STPG2: variants seen among roughly 807,000 people sequenced by gnomAD.
The protein encoded by STPG2 is sperm tail PG-rich repeat containing 2.
Under a neutral mutation model 54.2 loss-of-function variants are expected in STPG2, and 56 were observed. That is an observed-to-expected ratio of 1.03 (90% CI 0.83 to 1.29). The LOEUF (loss-of-function observed/expected upper bound fraction) is 1.29. STPG2 is among the 50% of genes most tolerant of loss of function. The pLI, the probability that STPG2 is intolerant of heterozygous loss-of-function variation, is 0.00. For synonymous variants in STPG2, 200 were observed against 181.8 expected (o/e 1.10, Z -0.81); for missense variants, 596 against 544.9 (o/e 1.09, Z -0.93).
chr4:97,723,979 AAGTT>A (rs1171256463), intron 9 of STPG2, among the ~76,000 whole-genome samples: 14 of 152,322 alleles, frequency 9.2e-5, no homozygotes, highest in Admixed American at 9.2e-4. Context: ...CCATATCAGT[AAGTT>A]TGTCAGTTTT....
At chr4:97,832,118 C>A (rs1728487288) in intron 9 of STPG2, among the ~76,000 whole-genome samples, 1 of 152,102 alleles carries the variant, frequency 6.6e-6, no homozygotes, top group Admixed American at 6.5e-5. Flanking sequence ...CAAAAATCCT[C>A]AATAAAATAC....
chr4:98,086,692 C>T (rs995236672), intron 5 of STPG2, among the ~76,000 whole-genome samples: 2 of 99,052 alleles, frequency 2.0e-5, no homozygotes, highest in African/African-American at 7.9e-5. Flanking sequence ...AAAAAAGGTG[C>T]CCTGCACAAA....
intron 10 of STPG2, among the ~76,000 whole-genome samples, chr4:97,614,988 A>G (rs1733822181): frequency 1.3e-5 from 2 of 152,156 alleles, no homozygotes; most frequent in Non-Finnish European, 2.9e-5. Context: ...CTGCCACTAC[A>G]GTTTTCAACT....
chr4:97,948,082 T>C (rs750762333), intron 7 of STPG2, among the ~76,000 whole-genome samples: 2 of 152,056 alleles, frequency 1.3e-5, no homozygotes, highest in African/African-American at 2.4e-5. Flanking sequence ...TTAATATTGC[T>C]GCTTGTTATT....
At chr4:97,952,620 A>G (rs1292437940) in intron 7 of STPG2, among the ~76,000 whole-genome samples, 1 of 152,164 alleles carries the variant, frequency 6.6e-6, no homozygotes, top group Non-Finnish European at 1.5e-5. Flanking sequence ...CCACTGATGT[A>G]ACAGTTCCTC....
Position 97,598,267 on chromosome 4 carries a change from C to T in STPG2, c.1321-39150G>A, listed in dbSNP as rs542851178. Among the ~76,000 whole-genome samples, 29 of 152,066 alleles carry T rather than the reference C, an allele frequency of 1.9e-4. No individual in the cohort carries two copies. In the South Asian group the frequency reaches 5.4e-3, roughly 28 times the overall value. On this transcript the variant is annotated intron_variant, in intron 10 of 10. Transcript: ENST00000295268. ...CATACAAATGGAAAAACAGTCCATG[C>T]TTACTGATAGGAAGAATCAATATTG...
intron 8 of STPG2, among the ~76,000 whole-genome samples, chr4:97,879,241 C>A (rs546161121): frequency 1.2e-3 from 189 of 152,348 alleles, no homozygotes; most frequent in Non-Finnish European, 2.0e-3. Flanking sequence ...ACTCTTCCAA[C>A]CTCTGCCTGT....
rs1212805381 is a variant in STPG2 at position 97,624,860 on chromosome 4, C to A, written c.1321-65743G>T. Reference sequence around the variant, plus strand: ...ATATGGCTAGCCAGTTCTCCCAGCACCGTTTATTAAATAGGGAATCCTTCC... The same window carrying A: ...ATATGGCTAGCCAGTTCTCCCAGCAACGTTTATTAAATAGGGAATCCTTCC... On this transcript the variant is annotated intron_variant, in intron 10 of 10. Coordinates refer to ENST00000295268, the MANE Select transcript of STPG2 (RefSeq NM_174952.3). Among the ~76,000 whole-genome samples, 5 of 152,228 alleles carry A rather than the reference C, an allele frequency of 3.3e-5. 1 individual carries two copies. Among genetic ancestry groups the A allele is most frequent in the Admixed American group, 3.3e-4 (5 of 15,284 alleles).
intron 8 of STPG2, among the ~76,000 whole-genome samples, chr4:97,907,791 G>C (rs1366947364): frequency 1.3e-5 from 2 of 152,204 alleles, no homozygotes; most frequent in Admixed American, 6.5e-5. Flanking sequence ...TTAATAAATA[G>C]TGGTGGGAAA....
intron 8 of STPG2, among the ~76,000 whole-genome samples, chr4:97,884,031 T>G (rs1051271703): frequency 6.6e-6 from 1 of 152,088 alleles, no homozygotes; most frequent in East Asian, 1.9e-4. Context: ...CTCTGCACAC[T>G]CATGGGCAAC....
At chr4:97,453,378 T>C (rs1442651986) in intron 4 of STPG2, among the ~76,000 whole-genome samples, 1 of 152,152 alleles carries the variant, frequency 6.6e-6, no homozygotes, top group African/African-American at 2.4e-5. Flanking sequence ...CACGCCTGAC[T>C]CTTCCTTGGC....
intron 4 of STPG2, among the ~76,000 whole-genome samples, chr4:97,468,168 C>A (rs1293805765): frequency 6.6e-6 from 1 of 151,950 alleles, no homozygotes; most frequent in Non-Finnish European, 1.5e-5. Context: ...AGTTAGTACA[C>A]AAAATATTTG....
intron 8 of STPG2, among the ~76,000 whole-genome samples, chr4:97,885,590 T>C (rs1730532318): frequency 6.6e-6 from 1 of 152,190 alleles, no homozygotes; most frequent in South Asian, 2.1e-4. Flanking sequence ...AATATACCAT[T>C]GGCCACTGAA....
intron 9 of STPG2, among the ~76,000 whole-genome samples, chr4:97,732,135 G>A (rs964323245): frequency 2.7e-4 from 41 of 152,160 alleles, no homozygotes; most frequent in Non-Finnish European, 1.8e-4. Context: ...GAGCAAGATG[G>A]AGAGCCTCAA....
chr4:97,686,339 G>T (rs1159753509), intron 10 of STPG2, among the ~76,000 whole-genome samples: 3 of 151,736 alleles, frequency 2.0e-5, no homozygotes, highest in Non-Finnish European at 4.4e-5. Flanking sequence ...CCCCACACCC[G>T]TAGGAAACTA....
intron 9 of STPG2, among the ~76,000 whole-genome samples, chr4:97,726,784 A>G (rs1056632581): frequency 7.9e-5 from 12 of 151,464 alleles, no homozygotes; most frequent in Non-Finnish European, 1.6e-4. Flanking sequence ...CTATGTGCAT[A>G]TATCATACAC....
At chr4:97,762,272 T>C (rs1412464978) in intron 9 of STPG2, among the ~76,000 whole-genome samples, 1 of 152,212 alleles carries the variant, frequency 6.6e-6, no homozygotes, top group Non-Finnish European at 1.5e-5. Flanking sequence ...GTCAGATTTA[T>C]CTTTTTCCTT....
chr4:97,864,318 C>T (rs1038867191), intron 8 of STPG2, among the ~76,000 whole-genome samples: 9 of 146,008 alleles, frequency 6.2e-5, no homozygotes, highest in Admixed American at 5.5e-4. Context: ...ACAGCCAAAT[C>T]ATGAGTGAAC....
chr4:97,506,640 A>G (rs1315338889), intron 4 of STPG2, among the ~76,000 whole-genome samples: 2 of 152,038 alleles, frequency 1.3e-5, no homozygotes, highest in East Asian at 1.9e-4. Context: ...CAAAAGTAAT[A>G]CCAATCATAA....
Sources: allele counts gnomAD v4.1 joint callset (sites outside exome capture counted in the v4.1 genomes callset), GRCh38; gene constraint gnomAD v4.1.1; transcripts MANE v1.5; gene names NCBI Gene and HGNC (gene_info 2026-07-23, HGNC 2026-07-21).